Variants in GRIK1 observed in about 807,000 individuals in gnomAD.
GRIK1 encodes glutamate ionotropic receptor kainate type subunit 1, also known as glutamate receptor ionotropic, kainate 1.
GRIK1 carries 69 observed loss-of-function variants against 105.7 expected under a neutral mutation model. That is an observed-to-expected ratio of 0.65 (90% CI 0.54 to 0.80). The LOEUF is 0.80. Among genes scored for constraint, GRIK1 ranks in the 30% least tolerant of loss-of-function variants. GRIK1 has a pLI of 0.00. For synonymous variants in GRIK1, 438 were observed against 431.3 expected, an observed-to-expected ratio of 1.02 and a Z score of -0.19; for missense variants, 1,109 against 1,167.3, an observed-to-expected ratio of 0.95 and a Z score of 0.73.
At chr21:29,601,906 G>A (rs766680433) in intron 7 of GRIK1, among the ~76,000 whole-genome samples, 20 of 148,610 alleles carry the variant, frequency 1.3e-4, no homozygotes, top group South Asian at 4.4e-4. Context: ...TTTTTTTCTC[G>A]CTCTAATTTG....
intron 1 of GRIK1, among the ~76,000 whole-genome samples, chr21:29,921,166 C>G (rs1438185791): frequency 6.6e-6 from 1 of 151,382 alleles, no homozygotes; most frequent in Non-Finnish European, 1.5e-5. Flanking sequence ...ACAGTAGAAA[C>G]AAACAGAAAT....
chr21:29,702,216 T>C (rs879623889), intron 1 of GRIK1, among the ~76,000 whole-genome samples: 4 of 152,098 alleles, frequency 2.6e-5, no homozygotes, highest in Non-Finnish European at 4.4e-5. Flanking sequence ...ACTTGGGTGA[T>C]GAAATTATCT....
chr21:29,587,111 T>C (rs538706101), intron 12 of GRIK1, among the ~76,000 whole-genome samples: 1 of 152,314 alleles, frequency 6.6e-6, no homozygotes, highest in South Asian at 2.1e-4. Flanking sequence ...TAAATAACCA[T>C]TTTATGTTGC....
At chr21:29,827,216 A>AT (rs1415252771) in intron 1 of GRIK1, among the ~76,000 whole-genome samples, 1 of 152,142 alleles carries the variant, frequency 6.6e-6, no homozygotes, top group Admixed American at 6.6e-5. Flanking sequence ...ATACATTGCT[A>AT]TTTTAATTCT....
intron 1 of GRIK1, among the ~76,000 whole-genome samples, chr21:29,809,730 A>G (rs1288579367): frequency 1.3e-5 from 2 of 152,182 alleles, no homozygotes; most frequent in African/African-American, 4.8e-5. Flanking sequence ...GGCTTTTGCC[A>G]TGTCTTCCTC....
chr21:29,620,869 A>G (rs1568897975), intron 7 of GRIK1, among the ~76,000 whole-genome samples: 1 of 147,516 alleles, frequency 6.8e-6, no homozygotes, highest in African/African-American at 2.5e-5. Flanking sequence ...AGTTATATAT[A>G]TTATTTCCTA....
At chr21:29,747,365 G>C (rs1379513579) in intron 1 of GRIK1, among the ~76,000 whole-genome samples, 1 of 152,192 alleles carries the variant, frequency 6.6e-6, no homozygotes, top group Admixed American at 6.5e-5. Context: ...TTACACATCA[G>C]ATTAATCTCC....
Position 29,769,447 on chromosome 21 carries a change from G to T in GRIK1, c.119-75384C>A, listed in dbSNP as rs765352442. ...TTTCCAAGGACTGGAGGTGAGGGGT[G>T]GTGGGAGCTGGTTTTGGGATGAAAC... On this transcript the variant is annotated intron_variant, in intron 1 of 17. Coordinates refer to ENST00000327783, the MANE Select transcript of GRIK1 (RefSeq NM_001330994.2). Among the ~76,000 whole-genome samples the T allele has an allele frequency of 3.9e-5, 6 of 152,212 alleles. No individual in the cohort carries two copies. In the South Asian group the frequency reaches 1.0e-3, roughly 26 times the overall value.
chr21:29,576,788 A>G (rs2090905459), intron 14 of GRIK1, among the ~76,000 whole-genome samples, 176 bp downstream of exon 14: 2 of 152,240 alleles, frequency 1.3e-5, no homozygotes, highest in Admixed American at 6.5e-5. Context: ...CTTTATGCTG[A>G]CTGGGGCTTC....
At chr21:29,579,307 T>A (rs363487) in intron 13 of GRIK1, among the ~76,000 whole-genome samples, 12,327 of 152,248 alleles carry the variant, frequency 0.081, 1,003 homozygotes, top group African/African-American at 0.21. Context: ...TTAGTTAGAA[T>A]TATTTAGAAA....
At chr21:29,545,665 AC>A (rs766726626) in intron 16 of GRIK1, among the ~76,000 whole-genome samples, 60 of 152,252 alleles carry the variant, frequency 3.9e-4, no homozygotes, top group Non-Finnish European at 7.5e-4. Flanking sequence ...TCAGGGCCCT[AC>A]CTTTAAGCTA....
At chr21:29,707,078 A>T (rs1373575776) in intron 1 of GRIK1, among the ~76,000 whole-genome samples, 1 of 151,950 alleles carries the variant, frequency 6.6e-6, no homozygotes, top group Non-Finnish European at 1.5e-5. Context: ...GTTAGGCAGG[A>T]TGGTCCTGAT....
chr21:29,713,351 A>G (rs148881750), intron 1 of GRIK1, among the ~76,000 whole-genome samples: 1 of 152,312 alleles, frequency 6.6e-6, no homozygotes, highest in African/African-American at 2.4e-5. Context: ...TGTTAAATAC[A>G]ACCATAGTTG....
intron 7 of GRIK1, among the ~76,000 whole-genome samples, chr21:29,623,375 GT>G (rs2062051582): frequency 1.3e-5 from 2 of 151,782 alleles, no homozygotes. Flanking sequence ...CGAGATTTGG[GT>G]GGGGACACAG....
At chr21:29,783,380 A>G (rs748251214) in intron 1 of GRIK1, among the ~76,000 whole-genome samples, 13 of 152,230 alleles carry the variant, frequency 8.5e-5, no homozygotes, top group Non-Finnish European at 1.3e-4. Context: ...TTTGTCTGTC[A>G]TATATTTTGC....
chr21:29,672,856 T>C (rs2063184910), intron 4 of GRIK1, 127 bp downstream of exon 4: 7 of 701,360 alleles, frequency 1.0e-5, no homozygotes, highest in Admixed American at 2.4e-5. Context: ...CTGAAAATTA[T>C]AATCTTTAGC....
chr21:29,918,464 T>C (rs1159711191), intron 1 of GRIK1, among the ~76,000 whole-genome samples: 1 of 152,102 alleles, frequency 6.6e-6, no homozygotes, highest in East Asian at 1.9e-4. Context: ...AAGCGGAGAT[T>C]TAAAGGTATA....
At chr21:29,773,748 G>A (rs1359033698) in intron 1 of GRIK1, among the ~76,000 whole-genome samples, 1 of 152,174 alleles carries the variant, frequency 6.6e-6, no homozygotes, top group South Asian at 2.1e-4. Flanking sequence ...TGTGTACAGG[G>A]CAAAGGGATG....
At chr21:29,661,430 C>G (rs1307439701) in intron 4 of GRIK1, among the ~76,000 whole-genome samples, 2 of 152,086 alleles carry the variant, frequency 1.3e-5, no homozygotes, top group African/African-American at 4.8e-5. Flanking sequence ...ACAATGAAAA[C>G]AGCAGGGTCT....
Sources: allele counts gnomAD v4.1 joint callset (sites outside exome capture counted in the v4.1 genomes callset), GRCh38; gene constraint gnomAD v4.1.1; transcripts MANE v1.5; gene names NCBI Gene and HGNC (gene_info 2026-07-23, HGNC 2026-07-21).